Variants in EBF3 observed in about 807,000 individuals in gnomAD.
EBF3 encodes the protein transcription factor COE3.
A neutral mutation model predicts 77.1 loss-of-function variants in EBF3; 18 were observed. The ratio of observed to expected loss-of-function variants is 0.23; its 90% CI spans 0.16 to 0.35. EBF3 has a LOEUF of 0.35. EBF3 is among the 10% of genes least tolerant of loss of function. EBF3 has a pLI of 1.00. For synonymous variants in EBF3, 350 were observed against 343.5 expected (o/e 1.02, Z -0.21); for missense variants, 558 against 860.0 (o/e 0.65, Z 4.39).
intron 4 of EBF3, 83 bp downstream of exon 4, chr10:129,962,088 A>T (rs573370): frequency 2.3e-6 from 3 of 1,322,934 alleles, no homozygotes; most frequent in African/African-American, 1.5e-5. Context: ...CACGAGATCC[A>T]TTTGTCAGTG....
At chr10:129,915,489 CACACACACAA>C (rs529309259) in intron 6 of EBF3, among the ~76,000 whole-genome samples, 21,275 of 139,384 alleles carry the variant, frequency 0.15, 1,730 homozygotes, top group Admixed American at 0.29. Flanking sequence ...CACACACACA[CACACACACAA>C]AAAAGCCAAG....
intron 6 of EBF3, among the ~76,000 whole-genome samples, chr10:129,902,137 C>CA (rs1404838820): frequency 1.3e-5 from 2 of 152,032 alleles, no homozygotes; most frequent in African/African-American, 4.8e-5. Context: ...GAGTTTACTT[C>CA]ATCTAGCGCC....
chr10:129,840,094 C>T, intron 15 of EBF3, 151 bp downstream of exon 15: 1 of 1,020,148 alleles, frequency 9.8e-7, no homozygotes, highest in Non-Finnish European at 1.4e-6. Flanking sequence ...GCTGTGAACA[C>T]CAGGCAGAGG....
chr10:129,922,980 T>G (rs1415713567), intron 6 of EBF3, among the ~76,000 whole-genome samples: 3 of 152,082 alleles, frequency 2.0e-5, no homozygotes, highest in Admixed American at 2.0e-4. Flanking sequence ...GGCCCTGGAG[T>G]CAGCTGTGTG....
rs1369086063 is a variant in EBF3 at position 129,963,587 on chromosome 10, G to T, written c.134+48C>A. ...GGCGCCGGCCGGCGGAGGGGGCCGG[G>T]CCGGGCCGGGGCCGGGGCCAGGGCG... On this transcript the variant is annotated intron_variant, in intron 1 of 16. Coordinates refer to ENST00000440978, the MANE Select transcript of EBF3 (RefSeq NM_001375380.1). This position sits in a 1 kb window ranked among gnomAD's most constrained non-coding sequence, Gnocchi z 7.1. 1.6e-6 allele frequency: 2 copies of T among 1,253,314 alleles called. No individual in the cohort carries two copies. Among genetic ancestry groups the T allele is most frequent in the Non-Finnish European group, 2.0e-6 (2 of 991,976 alleles). The allele number at this position is 1,253,314 out of a possible 1,614,324, so 77.6% of individuals were successfully genotyped here.
chr10:129,907,431 C>A (rs1229794010), intron 6 of EBF3, among the ~76,000 whole-genome samples: 2 of 152,188 alleles, frequency 1.3e-5, no homozygotes, highest in Non-Finnish European at 2.9e-5. Context: ...AACAAATGGT[C>A]TCCTCTTAAA....
intron 8 of EBF3, among the ~76,000 whole-genome samples, chr10:129,871,779 C>T (rs770632543): frequency 1.3e-5 from 2 of 152,124 alleles, no homozygotes; most frequent in East Asian, 3.8e-4. Flanking sequence ...TTTTTCTTAA[C>T]GATCTGTCTA....
intron 6 of EBF3, among the ~76,000 whole-genome samples, chr10:129,892,307 CCT>C (rs528215835): frequency 7.3e-4 from 111 of 152,320 alleles, no homozygotes; most frequent in African/African-American, 2.7e-3. Flanking sequence ...TGCACATGCC[CCT>C]GCTTTGGAAC....
At chr10:129,888,580 A>G (rs1360159563) in intron 6 of EBF3, among the ~76,000 whole-genome samples, 1 of 152,206 alleles carries the variant, frequency 6.6e-6, no homozygotes. Flanking sequence ...GGCGCAGCAC[A>G]AGCATCCCTC....
rs1858765633 is a variant in EBF3, at chr10:129,952,816, A to G, written c.554+4442T>C. On this transcript the variant is annotated intron_variant, in intron 6 of 16. Transcript: ENST00000440978. The surrounding 1 kb of genome is among the most constrained non-coding windows in gnomAD (Gnocchi z 4.7). ...CTAATAAAAAATATAATGAGTGTTC[A>G]GCAAAATCGGCATTAGGCCCAAATT... Among the ~76,000 whole-genome samples the G allele has an allele frequency of 6.6e-6, 1 of 152,214 alleles. No individual in the cohort carries two copies. The highest frequency in any genetic ancestry group is 6.5e-5 in the Admixed American group (1 of 15,274).
At chr10:129,877,927 G>T in intron 6 of EBF3, 78 bp from the exon 7 acceptor site, 4 of 1,159,372 alleles carry the variant, frequency 3.5e-6, no homozygotes, top group Non-Finnish European at 4.9e-6. Flanking sequence ...ACACTCTTGC[G>T]CAGGGAGGAG....
chr10:129,865,352 C>T (rs1851928785), intron 10 of EBF3, among the ~76,000 whole-genome samples: 1 of 152,158 alleles, frequency 6.6e-6, no homozygotes, highest in African/African-American at 2.4e-5. Flanking sequence ...TGTGACATGT[C>T]TTTATTTTTT....
At chr10:129,866,959 G>A (rs573603874) in intron 10 of EBF3, among the ~76,000 whole-genome samples, 182 bp downstream of exon 10, 9 of 152,194 alleles carry the variant, frequency 5.9e-5, no homozygotes, top group Non-Finnish European at 8.8e-5. Flanking sequence ...GGCTTCATAC[G>A]CCATCTCAAA....
At chr10:129,916,016 G>A (rs1855863833) in intron 6 of EBF3, among the ~76,000 whole-genome samples, 2 of 152,222 alleles carry the variant, frequency 1.3e-5, no homozygotes, top group African/African-American at 4.8e-5. Context: ...TTCACGTGGA[G>A]CTGGCCACAC....
rs927855346 is a variant in EBF3, at chr10:129,870,181, G to C, written c.782-2269C>G. ...CGGGCCTGCCTTGGCCTCCTCCACA[G>C]TGATAGCCATCTTCCTTCTGCCTGT... is the stretch of plus-strand genomic sequence containing the variant. On this transcript the variant is annotated intron_variant, in intron 8 of 16. Transcript: ENST00000440978. This position sits in a 1 kb window ranked among gnomAD's most constrained non-coding sequence, Gnocchi z 4.4. 1.3e-5 allele frequency among the ~76,000 whole-genome samples: 2 copies of C among 152,138 alleles called. No homozygotes were observed. The highest frequency in any genetic ancestry group is 4.8e-5 in the African/African-American group (2 of 41,412).
chr10:129,904,498 T>C (rs1399035361), intron 6 of EBF3, among the ~76,000 whole-genome samples: 5 of 151,330 alleles, frequency 3.3e-5, no homozygotes, highest in African/African-American at 4.9e-5. Context: ...GATGGATGGA[T>C]GAATGAATGG....
chr10:129,865,175 C>A (rs537269199), intron 10 of EBF3, among the ~76,000 whole-genome samples: 1 of 152,154 alleles, frequency 6.6e-6, no homozygotes, highest in Non-Finnish European at 1.5e-5. Context: ...CAGCACACAC[C>A]GGCAAGGTGC....
chr10:129,886,592 C>T (rs11815777), intron 6 of EBF3, among the ~76,000 whole-genome samples: 58,124 of 151,960 alleles, frequency 0.38, 11,150 homozygotes, highest in East Asian at 0.51. Flanking sequence ...CGCCACCAGG[C>T]AGCTGTGTTG....
At chr10:129,876,885 A>ACCCCC (rs10573399) in intron 7 of EBF3, among the ~76,000 whole-genome samples, 4 of 42,368 alleles carry the variant, frequency 9.4e-5, no homozygotes, top group Admixed American at 7.8e-4. Context: ...TCATCCCTGA[A>ACCCCC]CCCCCCCCCC....
Sources: gnomAD v4.1 joint callset for allele counts (sites outside exome capture counted in the v4.1 genomes callset) on GRCh38, gnomAD v4.1.1 for gene constraint, Gnocchi (gnomAD v3.1) non-coding constraint, MANE v1.5 for transcripts, NCBI Gene and HGNC (gene_info 2026-07-23, HGNC 2026-07-21) for gene names.